The following MED27 variants were observed in gnomAD, a reference collection of about 807,000 sequenced individuals.
MED27 encodes mediator complex subunit 27.
Under a neutral mutation model 38.2 loss-of-function variants are expected in MED27, and 30 were observed. The ratio of observed to expected loss-of-function variants is 0.79; its 90% CI spans 0.59 to 1.07. The LOEUF (loss-of-function observed/expected upper bound fraction) is 1.07. MED27 is among the 50% of genes least tolerant of loss of function. MED27 has a pLI of 0.00. For synonymous variants in MED27, 122 were observed against 153.5 expected (o/e 0.79, Z 1.52); for missense variants, 289 against 397.5 (o/e 0.73, Z 2.32).
chr9:131,861,563 A>T lies in MED27; in HGVS notation c.802-891T>A, dbSNP rs1838652231. ...AGTACTGTCCCCCTTTCCAAAGGCC[A>T]GGTGTTTGGGGGTTTTGGCAATAAA... On this transcript the variant is annotated intron_variant, in intron 7 of 7. Coordinates refer to ENST00000292035, the MANE Select transcript of MED27 (RefSeq NM_004269.4). This position sits in a 1 kb window ranked among gnomAD's most constrained non-coding sequence, Gnocchi z 4.4. 6.6e-6 allele frequency among the ~76,000 whole-genome samples: 1 copy of T among 152,212 alleles called. No homozygotes were observed. The highest frequency in any genetic ancestry group is 2.4e-5 in the African/African-American group (1 of 41,452).
At chr9:132,041,821 G>C (rs1274005550) in intron 2 of MED27, among the ~76,000 whole-genome samples, 1 of 152,258 alleles carries the variant, frequency 6.6e-6, no homozygotes, top group Non-Finnish European at 1.5e-5. Flanking sequence ...GCCTACGGTG[G>C]CAGCTGCCGC....
At chr9:131,865,138 A>G (rs1318032973) in intron 6 of MED27, among the ~76,000 whole-genome samples, 1 of 152,266 alleles carries the variant, frequency 6.6e-6, no homozygotes, top group African/African-American at 2.4e-5. Flanking sequence ...TCTTGCAAAT[A>G]CATCAACGGT....
At position 131,860,426 on chromosome 9, in the gene MED27, G is replaced by C; in HGVS notation, c.*112C>G. 1 of 1,248,134 alleles carries C rather than the reference G, an allele frequency of 8.0e-7. No homozygotes were observed. The highest frequency in any genetic ancestry group is 1.1e-6 in the Non-Finnish European group (1 of 929,386). The allele number at this position is 1,248,134 out of a possible 1,614,324, so 77.3% of individuals were successfully genotyped here. ...ACACATGGCGCTGCTTTATGAAAGGGAGGAGCAGCTGTACACATCTGGGCA... is the reference window on the plus strand; with the variant it reads ...ACACATGGCGCTGCTTTATGAAAGGCAGGAGCAGCTGTACACATCTGGGCA... On this transcript the variant is annotated 3_prime_UTR_variant, in exon 8 of 8. Coordinates refer to ENST00000292035, the MANE Select transcript of MED27 (RefSeq NM_004269.4). The surrounding 1 kb of genome is among the most constrained non-coding windows in gnomAD (Gnocchi z 5.8).
intron 4 of MED27, among the ~76,000 whole-genome samples, chr9:131,902,962 C>T (rs1407540296): frequency 6.6e-6 from 1 of 152,154 alleles, no homozygotes; most frequent in Non-Finnish European, 1.5e-5. Flanking sequence ...TTGAACAAGT[C>T]ACTTACCCTC....
chr9:131,861,384 A>G lies in MED27; in HGVS notation c.802-712T>C, dbSNP rs578173276. On this transcript the variant is annotated intron_variant, in intron 7 of 7. Coordinates refer to ENST00000292035, the MANE Select transcript of MED27 (RefSeq NM_004269.4). The surrounding 1 kb of genome is among the most constrained non-coding windows in gnomAD (Gnocchi z 4.4). Reference sequence around the variant, plus strand: ...CCCAAACGTAAAACAGCAGGCAAGCAAGTTCTCGCGGTGAAAGGGCACGTG... The same window carrying G: ...CCCAAACGTAAAACAGCAGGCAAGCGAGTTCTCGCGGTGAAAGGGCACGTG... Among the ~76,000 whole-genome samples, 1 of 152,308 alleles carries G rather than the reference A, an allele frequency of 6.6e-6. No homozygotes were observed. The highest frequency in any genetic ancestry group is 2.1e-4 in the South Asian group (1 of 4,832).
At chr9:131,981,027 T>C (rs1364956010) in intron 3 of MED27, among the ~76,000 whole-genome samples, 3 of 152,252 alleles carry the variant, frequency 2.0e-5, no homozygotes, top group Admixed American at 1.3e-4. Context: ...AAATTCAGTA[T>C]AGCTTTCTTT....
chr9:132,072,176 G>T (rs1384236030), intron 2 of MED27, among the ~76,000 whole-genome samples: 1 of 152,192 alleles, frequency 6.6e-6, no homozygotes, highest in Admixed American at 6.5e-5. Context: ...GTACTATCAC[G>T]ATGCCTGGTC....
At chr9:132,000,131 CAAAAGTAAAATCACTTTTG>C (rs1832190459) in intron 3 of MED27, among the ~76,000 whole-genome samples, 1 of 90,734 alleles carries the variant, frequency 1.1e-5, no homozygotes, top group African/African-American at 6.8e-5. Context: ...CACTTTTGAT[CAAAAGTAAAATCACTTTTG>C]AGAAATACAG....
chr9:132,058,701 C>T lies in MED27; in HGVS notation c.348+18741G>A, dbSNP rs73658171. Among the ~76,000 whole-genome samples, 627 of 152,306 alleles carry T rather than the reference C, an allele frequency of 4.1e-3. 6 individuals are homozygous for T. The highest frequency in any genetic ancestry group is 0.014 in the African/African-American group (585 of 41,554). ...GAGAACAGACTCCTATAGAAGGTCA[C>T]GTGAAGGTCACCGGATGACACAAAT... On this transcript the variant is annotated intron_variant, in intron 2 of 7. Coordinates refer to ENST00000292035, the MANE Select transcript of MED27 (RefSeq NM_004269.4).
chr9:131,947,641 G>A (rs764880951), intron 3 of MED27, among the ~76,000 whole-genome samples: 16 of 151,756 alleles, frequency 1.1e-4, no homozygotes, highest in Non-Finnish European at 1.8e-4. Flanking sequence ...TTACTGGACA[G>A]ATGGCTTAGT....
intron 3 of MED27, among the ~76,000 whole-genome samples, chr9:131,995,344 A>G (rs1433594003): frequency 2.0e-5 from 3 of 152,150 alleles, no homozygotes; most frequent in Non-Finnish European, 2.9e-5. Flanking sequence ...CCACAGTGAC[A>G]GAAACGGACC....
At chr9:131,999,786 C>T (rs1451517852) in intron 3 of MED27, among the ~76,000 whole-genome samples, 2 of 152,150 alleles carry the variant, frequency 1.3e-5, no homozygotes, top group Admixed American at 6.5e-5. Flanking sequence ...GCACCAACTC[C>T]AGCCCCACAG....
At chr9:132,000,060 T>C (rs1228910184) in intron 3 of MED27, among the ~76,000 whole-genome samples, 4 of 149,540 alleles carry the variant, frequency 2.7e-5, no homozygotes, top group Non-Finnish European at 5.9e-5. Context: ...AAAACCTGTA[T>C]TTCTCAAAAG....
chr9:131,902,288 C>A (rs185735159), intron 4 of MED27, among the ~76,000 whole-genome samples: 5 of 152,092 alleles, frequency 3.3e-5, no homozygotes, highest in Admixed American at 6.5e-5. Flanking sequence ...TCGTGCTGGG[C>A]GGAACTGTCC....
At chr9:132,023,389 C>A (rs1385426445) in intron 2 of MED27, among the ~76,000 whole-genome samples, 1 of 152,140 alleles carries the variant, frequency 6.6e-6, no homozygotes, top group Non-Finnish European at 1.5e-5. Flanking sequence ...ATTTTATAAA[C>A]TTCTTCTTTT....
intron 4 of MED27, among the ~76,000 whole-genome samples, chr9:131,896,651 C>T (rs1829837219): frequency 2.0e-5 from 3 of 152,040 alleles, no homozygotes; most frequent in African/African-American, 4.8e-5. Context: ...GGGGTACTTC[C>T]TTTCAATCAT....
chr9:131,864,517 A>G (rs1031532224), intron 6 of MED27, among the ~76,000 whole-genome samples: 1 of 152,120 alleles, frequency 6.6e-6, no homozygotes, highest in Admixed American at 6.6e-5. Flanking sequence ...AAAATAAAAA[A>G]CCCAAAAAAC....
chr9:131,914,952 G>A (rs1194035562), intron 4 of MED27, among the ~76,000 whole-genome samples: 2 of 152,210 alleles, frequency 1.3e-5, no homozygotes, highest in East Asian at 3.8e-4. Context: ...TTCTGGCGTG[G>A]GCAACAGGAA....
intron 6 of MED27, chr9:131,869,482 T>G: frequency 1.1e-6 from 1 of 898,016 alleles, no homozygotes; most frequent in Non-Finnish European, 1.3e-6. Flanking sequence ...GCTAATGAGA[T>G]TCCGCTGGGA....
Sources: allele counts gnomAD v4.1 joint callset (sites outside exome capture counted in the v4.1 genomes callset), GRCh38; gene constraint gnomAD v4.1.1; non-coding constraint Gnocchi (gnomAD v3.1); transcripts MANE v1.5; gene names NCBI Gene and HGNC (gene_info 2026-07-23, HGNC 2026-07-21).